Variants in PCNX2 observed in about 807,000 individuals in gnomAD.
PCNX2 encodes pecanex-like protein 2.
A neutral mutation model predicts 223.8 loss-of-function variants in PCNX2; 168 were observed. That is an observed-to-expected ratio of 0.75 (90% CI 0.66 to 0.85). The LOEUF is 0.85. PCNX2 is among the 40% of genes least tolerant of loss of function. PCNX2 has a pLI of 0.00. For synonymous variants in PCNX2, 1,006 were observed against 1,052.6 expected, an observed-to-expected ratio of 0.96 and a Z score of 0.86; for missense variants, 2,507 against 2,675.5, an observed-to-expected ratio of 0.94 and a Z score of 1.39.
chr1:233,098,537 T>C (rs1674306161), intron 21 of PCNX2, among the ~76,000 whole-genome samples: 1 of 152,164 alleles, frequency 6.6e-6, no homozygotes, highest in East Asian at 1.9e-4. Flanking sequence ...ATGAACTTTG[T>C]GAAGAATAAA....
chr1:233,313,064 C>T, the PCNX2 span, among the ~76,000 whole-genome samples: 1 of 152,192 alleles, frequency 6.6e-6, no homozygotes, highest in Non-Finnish European at 1.5e-5. Context: ...AATTACACAT[C>T]ACAACACGGA....
intron 1 of PCNX2, among the ~76,000 whole-genome samples, chr1:233,283,633 G>C (rs1661298551): frequency 6.6e-6 from 1 of 151,852 alleles, no homozygotes; most frequent in Non-Finnish European, 1.5e-5. Context: ...TACTCCCATT[G>C]AATTAAAAAA....
chr1:233,137,389 A>G (rs1676873009), intron 20 of PCNX2, among the ~76,000 whole-genome samples: 2 of 152,272 alleles, frequency 1.3e-5, no homozygotes, highest in Non-Finnish European at 2.9e-5. Context: ...GACAGGCTCC[A>G]GCCACTGGAT....
chr1:233,280,140 T>C (rs1661115222), intron 1 of PCNX2, among the ~76,000 whole-genome samples: 1 of 152,164 alleles, frequency 6.6e-6, no homozygotes, highest in South Asian at 2.1e-4. Context: ...ACTACTCCAC[T>C]GTAGGACGTA....
At chr1:233,120,967 G>T (rs1202675555) in intron 21 of PCNX2, among the ~76,000 whole-genome samples, 1 of 151,808 alleles carries the variant, frequency 6.6e-6, no homozygotes, top group Non-Finnish European at 1.5e-5. Flanking sequence ...TAATAAGTCA[G>T]CATAGCAAGG....
intron 21 of PCNX2, among the ~76,000 whole-genome samples, chr1:233,123,479 G>A (rs182677427): frequency 6.6e-6 from 1 of 152,238 alleles, no homozygotes; most frequent in East Asian, 1.9e-4. Flanking sequence ...CTACTCGGGA[G>A]GCTGAGGCAG....
intron 32 of PCNX2, 50 bp from the exon 33 acceptor site, chr1:232,986,590 C>T (rs1389290110): frequency 5.6e-6 from 8 of 1,439,210 alleles, no homozygotes; most frequent in Middle Eastern, 2.2e-4. Flanking sequence ...TCATGAACAT[C>T]GATACCTGTG....
upstream of PCNX2, among the ~76,000 whole-genome samples, chr1:233,295,952 T>TCC (rs772276826): frequency 1.4e-4 from 21 of 145,026 alleles, no homozygotes; most frequent in African/African-American, 4.3e-4. The surrounding 1 kb of genome is among the most constrained non-coding windows in gnomAD (Gnocchi z 4.1). Context: ...CTTCCTTCCT[T>TCC]TCTCTCTCTC....
At chr1:233,225,663 T>C (rs1313732987) in intron 10 of PCNX2, among the ~76,000 whole-genome samples, 2 of 152,224 alleles carry the variant, frequency 1.3e-5, no homozygotes, top group Non-Finnish European at 1.5e-5. Context: ...TTCCAATTAA[T>C]TTTTTGTCAC....
chr1:232,992,157 C>A lies in PCNX2; in HGVS notation c.5792-5617G>T, dbSNP rs149074850. ...ATCTCCCCTGTCTTCTTCCAGCTCT[C>A]TGACCCTCTGCTGGGGATAAAAGCC... On this transcript the variant is annotated intron_variant, in intron 32 of 33. Transcript: ENST00000258229. Among the ~76,000 whole-genome samples, 8 of 152,340 alleles carry A rather than the reference C, an allele frequency of 5.3e-5. No individual in the cohort carries two copies. The East Asian group carries it at 1.5e-3, about 29-fold the overall frequency.
In PCNX2 at chr1:233,200,134, A is replaced by G. The variant is rs1188147267; in HGVS notation, c.2974+20T>C. The G allele has an allele frequency of 4.0e-6, 6 of 1,508,018 alleles. No individual in the cohort carries two copies. In the South Asian group the frequency reaches 6.1e-5, roughly 15 times the overall value. The allele number at this position is 1,508,018 out of a possible 1,614,324, so 93.4% of individuals were successfully genotyped here. ...AACTCTGAATTCCTTTACAGGAAGAATAGAATGTAAACGACTTACCAGAAC... is the reference window on the plus strand; with the variant it reads ...AACTCTGAATTCCTTTACAGGAAGAGTAGAATGTAAACGACTTACCAGAAC... On this transcript the variant is annotated intron_variant, in intron 14 of 33. Coordinates refer to ENST00000258229, the MANE Select transcript of PCNX2 (RefSeq NM_014801.4).
intron 15 of PCNX2, among the ~76,000 whole-genome samples, chr1:233,179,446 T>C (rs2102859348): frequency 6.6e-6 from 1 of 152,326 alleles, no homozygotes; most frequent in East Asian, 1.9e-4. Context: ...GCTTAGAATG[T>C]TCTATAGAAT....
At chr1:233,267,213 A>C (rs1337483102) in intron 1 of PCNX2, among the ~76,000 whole-genome samples, 2 of 152,160 alleles carry the variant, frequency 1.3e-5, no homozygotes, top group Admixed American at 6.5e-5. Context: ...GCTACTCGGG[A>C]GACTAAGGCA....
At chr1:233,165,809 T>A (rs1678760205) in intron 17 of PCNX2, among the ~76,000 whole-genome samples, 1 of 152,172 alleles carries the variant, frequency 6.6e-6, no homozygotes, top group South Asian at 2.1e-4. Flanking sequence ...ATTGATAAAT[T>A]CAATGAAATT....
intron 23 of PCNX2, among the ~76,000 whole-genome samples, chr1:233,067,915 C>G (rs559360526): frequency 6.6e-6 from 1 of 152,150 alleles, no homozygotes; most frequent in African/African-American, 2.4e-5. Context: ...AAAAAATGAA[C>G]AGAGTCTCCA....
intron 17 of PCNX2, among the ~76,000 whole-genome samples, chr1:233,172,782 A>T (rs764024206): frequency 2.0e-4 from 30 of 152,178 alleles, no homozygotes; most frequent in Non-Finnish European, 3.1e-4. Flanking sequence ...TACATTCAGG[A>T]AGAGTTTTTT....
At chr1:233,116,285 C>T (rs577490048) in intron 21 of PCNX2, among the ~76,000 whole-genome samples, 2 of 152,116 alleles carry the variant, frequency 1.3e-5, no homozygotes, top group Non-Finnish European at 2.9e-5. Flanking sequence ...ATATGATCAA[C>T]TTTTATTGAA....
At chr1:233,294,007 G>A in intron 1 of PCNX2, 1 of 984,906 alleles carries the variant, frequency 1.0e-6, no homozygotes, top group Non-Finnish European at 1.2e-6. Context: ...TTATTGCAGG[G>A]TTTCCAAGCA....
chr1:233,129,172 C>G (rs1676283179), intron 21 of PCNX2, among the ~76,000 whole-genome samples: 1 of 152,234 alleles, frequency 6.6e-6, no homozygotes, highest in African/African-American at 2.4e-5. Context: ...TGTGGGCCAG[C>G]TAGAGTTCCG....
Sources: gnomAD v4.1 joint callset for allele counts (sites outside exome capture counted in the v4.1 genomes callset) on GRCh38, gnomAD v4.1.1 for gene constraint, Gnocchi (gnomAD v3.1) non-coding constraint, MANE v1.5 for transcripts, NCBI Gene and HGNC (gene_info 2026-07-23, HGNC 2026-07-21) for gene names.